PRMT3: variants seen among roughly 807,000 people sequenced by gnomAD.
PRMT3 encodes the protein protein arginine N-methyltransferase 3.
A neutral mutation model predicts 71.9 loss-of-function variants in PRMT3; 62 were observed. The ratio of observed to expected loss-of-function variants is 0.86; its 90% confidence interval spans 0.70 to 1.07. The LOEUF (loss-of-function observed/expected upper bound fraction) is 1.07. Among genes scored for constraint, PRMT3 ranks in the 50% least tolerant of loss-of-function variants. PRMT3 has a pLI of 0.00. For synonymous variants in PRMT3, 213 were observed against 220.4 expected, an observed-to-expected ratio of 0.97 and a Z score of 0.30; for missense variants, 663 against 643.0, an observed-to-expected ratio of 1.03 and a Z score of -0.34.
At chr11:20,428,225 T>C (rs1273931290) in intron 10 of PRMT3, among the ~76,000 whole-genome samples, 1 of 152,216 alleles carries the variant, frequency 6.6e-6, no homozygotes, top group East Asian at 1.9e-4. Flanking sequence ...GTAATATTTC[T>C]TTAAAGACTA....
chr11:20,492,149 A>G (rs997447317), intron 13 of PRMT3, among the ~76,000 whole-genome samples: 1 of 152,236 alleles, frequency 6.6e-6, no homozygotes, highest in African/African-American at 2.4e-5. Context: ...CGTAACTAAC[A>G]TAACAGAATG....
intron 7 of PRMT3, among the ~76,000 whole-genome samples, chr11:20,401,567 A>C (rs2133311453): frequency 6.6e-6 from 1 of 152,278 alleles, no homozygotes; most frequent in Middle Eastern, 3.4e-3. Context: ...AGTTGGCATA[A>C]AAATGTATTG....
Position 20,416,961 on chromosome 11 carries a change from A to G in PRMT3, c.893+8929A>G, listed in dbSNP as rs560231886. 2.0e-5 allele frequency among the ~76,000 whole-genome samples: 3 copies of G among 152,294 alleles called. No individual in the cohort carries two copies. In the East Asian group the frequency reaches 5.8e-4, roughly 29 times the overall value. ...GGCATAGGTTTTGTCTCTGAGGGGA[A>G]AGGGTGGAGACTGGTCAGTTTACAG... is the stretch of plus-strand genomic sequence containing the variant. On this transcript the variant is annotated intron_variant, in intron 9 of 15. Coordinates refer to ENST00000331079, the MANE Select transcript of PRMT3 (RefSeq NM_005788.4).
chr11:20,506,679 A>T (rs139251345), intron 15 of PRMT3, among the ~76,000 whole-genome samples: 1 of 152,194 alleles, frequency 6.6e-6, no homozygotes, highest in Non-Finnish European at 1.5e-5. Flanking sequence ...CAGTACTTCA[A>T]TAGTTTTATG....
chr11:20,482,635 C>G (rs1165872668), intron 13 of PRMT3, among the ~76,000 whole-genome samples: 1 of 151,876 alleles, frequency 6.6e-6, no homozygotes, highest in Non-Finnish European at 1.5e-5. Flanking sequence ...AGCCGGTTAC[C>G]CATGGAGTAA....
At chr11:20,435,186 T>A (rs1228377297) in intron 10 of PRMT3, among the ~76,000 whole-genome samples, 4 of 152,140 alleles carry the variant, frequency 2.6e-5, no homozygotes, top group Admixed American at 6.6e-5. Context: ...AGCCTTACAT[T>A]TAAATATTTA....
intron 11 of PRMT3, among the ~76,000 whole-genome samples, chr11:20,459,813 T>C (rs1400508929): frequency 1.3e-5 from 2 of 152,236 alleles, no homozygotes; most frequent in East Asian, 3.8e-4. Flanking sequence ...CACTTCCTTA[T>C]AGCTGATCCT....
chr11:20,398,863 C>A (rs1848889698), intron 7 of PRMT3, among the ~76,000 whole-genome samples: 1 of 152,166 alleles, frequency 6.6e-6, no homozygotes, highest in South Asian at 2.1e-4. Flanking sequence ...GATGTTCACA[C>A]AACAACACAT....
intron 7 of PRMT3, among the ~76,000 whole-genome samples, chr11:20,402,472 G>A (rs1848971945): frequency 6.6e-6 from 1 of 151,912 alleles, no homozygotes; most frequent in Non-Finnish European, 1.5e-5. Flanking sequence ...TTGTTGCCCA[G>A]CCTGGTCTCA....
chr11:20,504,707 T>TGTGTGA (rs1332372470), intron 15 of PRMT3, among the ~76,000 whole-genome samples: 19 of 133,642 alleles, frequency 1.4e-4, no homozygotes, highest in East Asian at 8.9e-4. Context: ...TGTGTGTGTG[T>TGTGTGA]GAGAGAGAGA....
At chr11:20,457,770 G>T (rs1272050638) in intron 11 of PRMT3, among the ~76,000 whole-genome samples, 3 of 152,134 alleles carry the variant, frequency 2.0e-5, no homozygotes, top group African/African-American at 7.2e-5. Context: ...ACTGGCATTG[G>T]TTCATAGTGC....
At chr11:20,489,457 A>G (rs1590105732) in intron 13 of PRMT3, among the ~76,000 whole-genome samples, 1 of 152,112 alleles carries the variant, frequency 6.6e-6, no homozygotes, top group South Asian at 2.1e-4. Flanking sequence ...ATTTGTTGCC[A>G]TTGCCTATTA....
chr11:20,413,417 C>G (rs1253614603), intron 9 of PRMT3, among the ~76,000 whole-genome samples: 2 of 152,140 alleles, frequency 1.3e-5, no homozygotes, highest in Non-Finnish European at 1.5e-5. Context: ...TTCACTACAA[C>G]CCCTTTAAGC....
intron 11 of PRMT3, among the ~76,000 whole-genome samples, chr11:20,453,506 C>T (rs1258114359): frequency 1.3e-5 from 2 of 151,028 alleles, no homozygotes; most frequent in African/African-American, 4.9e-5. Context: ...ATCAGTAAGG[C>T]CAAAACATAA....
rs750913700 is a variant in PRMT3, at chr11:20,407,875, A to AAAAAAGG, written c.772-36_772-35insAAAAAGG. 314 of 1,561,402 alleles carry AAAAAAGG rather than the reference A, an allele frequency of 2.0e-4. 4 individuals are homozygous for AAAAAAGG. The South Asian group carries it at 2.5e-3, about 12-fold the overall frequency. Reference sequence around the variant, plus strand: ...TTAATATAGAGACCTTTTTGATAACATCTGTTTTGTTTTGGTTTTTTCTTA... The same window carrying AAAAAAGG: ...TTAATATAGAGACCTTTTTGATAACAAAAAAGGTCTGTTTTGTTTTGGTTTTTTCTTA... On this transcript the variant is annotated intron_variant, in intron 8 of 15. Coordinates refer to ENST00000331079, the MANE Select transcript of PRMT3 (RefSeq NM_005788.4).
At chr11:20,390,526 A>T (rs1848690461) in intron 3 of PRMT3, among the ~76,000 whole-genome samples, 1 of 152,254 alleles carries the variant, frequency 6.6e-6, no homozygotes, top group Admixed American at 6.5e-5. Context: ...ACTGAGTTTT[A>T]TACAAAGTTC....
At chr11:20,493,893 T>C in intron 13 of PRMT3, 26 bp from the exon 14 acceptor site, 1 of 1,461,356 alleles carries the variant, frequency 6.8e-7, no homozygotes, top group Non-Finnish European at 9.5e-7. Context: ...TTAGTAAGCA[T>C]TTATATTTCT....
intron 10 of PRMT3, among the ~76,000 whole-genome samples, chr11:20,438,777 G>T (rs1849818946): frequency 6.6e-6 from 1 of 152,160 alleles, no homozygotes; most frequent in Non-Finnish European, 1.5e-5. Context: ...GTTTCTCTGG[G>T]CAGCCAAGGC....
chr11:20,442,606 C>G (rs1165460925), intron 10 of PRMT3, among the ~76,000 whole-genome samples: 2 of 152,114 alleles, frequency 1.3e-5, no homozygotes, highest in African/African-American at 4.8e-5. Context: ...CTTCATTATT[C>G]TATAGAGATA....
Sources: allele counts gnomAD v4.1 joint callset (sites outside exome capture counted in the v4.1 genomes callset), GRCh38; gene constraint gnomAD v4.1.1; transcripts MANE v1.5; gene names NCBI Gene and HGNC (gene_info 2026-07-23, HGNC 2026-07-21).